The following CREBBP variants were observed in gnomAD, a reference collection of about 807,000 sequenced individuals.
CREBBP encodes CREB binding lysine acetyltransferase.
CREBBP carries 19 observed loss-of-function variants against 265.0 expected under a neutral mutation model. That is an observed-to-expected ratio of 0.07 (90% CI 0.05 to 0.11). The LOEUF is 0.11. Ranked by LOEUF, CREBBP falls within the 10% of genes least tolerant of loss-of-function variation. The pLI, the probability that CREBBP is intolerant of heterozygous loss-of-function variation, is 1.00. For synonymous variants in CREBBP, 1,457 were observed against 1,223.7 expected (o/e 1.19, Z -3.98); for missense variants, 2,525 against 3,219.0 (o/e 0.78, Z 5.22).
intron 14 of CREBBP, among the ~76,000 whole-genome samples, chr16:3,769,796 G>A (rs1024571562): frequency 1.3e-5 from 2 of 152,198 alleles, no homozygotes; most frequent in Non-Finnish European, 2.9e-5. Flanking sequence ...GTAGGAACAC[G>A]GGTGCTGGTG....
chr16:3,761,510 G>T (rs2052716369), intron 16 of CREBBP: 1 of 517,936 alleles, frequency 1.9e-6, no homozygotes, highest in Non-Finnish European at 3.9e-6. Flanking sequence ...CTTTAGAGAT[G>T]AAAACAGGCG....
intron 5 of CREBBP, among the ~76,000 whole-genome samples, chr16:3,787,988 G>A (rs911816772): frequency 4.6e-5 from 7 of 152,160 alleles, no homozygotes; most frequent in Non-Finnish European, 1.0e-4. Context: ...AAAAGGAGGT[G>A]TTTTAAACAA....
chr16:3,740,737 G>A, intron 23 of CREBBP, 188 bp from the exon 24 acceptor site: 2 of 729,500 alleles, frequency 2.7e-6, no homozygotes, highest in Non-Finnish European at 4.7e-6. Context: ...TGGACTCTGG[G>A]ATCTCAGGCA....
chr16:3,742,482 G>T (rs1230343483), intron 23 of CREBBP: 2 of 152,166 alleles, frequency 1.3e-5, no homozygotes, highest in East Asian at 3.8e-4. Flanking sequence ...CATTCAACTT[G>T]TATCTTCATC....
intron 2 of CREBBP, among the ~76,000 whole-genome samples, chr16:3,849,450 T>TGACC (rs1567360745): frequency 1.5e-5 from 1 of 66,748 alleles, no homozygotes; most frequent in African/African-American, 4.4e-5. Flanking sequence ...TGTGTGTGTG[T>TGACC]GTGTGTGTGT....
rs71133663 is a variant in CREBBP, at chr16:3,876,399, C to CAAAAAAAA, written c.85+3425_85+3432dup. 9.4e-4 allele frequency among the ~76,000 whole-genome samples: 17 copies of CAAAAAAAA among 18,154 alleles called. 1 individual carries two copies. Among genetic ancestry groups the CAAAAAAAA allele is most frequent in the African/African-American group, 3.1e-3 (17 of 5,460 alleles). The allele number at this position is 18,154 out of a possible 152,430, so 11.9% of individuals were successfully genotyped here. On this transcript the variant is annotated intron_variant, in intron 1 of 30. Coordinates refer to ENST00000262367, the MANE Select transcript of CREBBP (RefSeq NM_004380.3). ...GTGCAAATTTTGCAATAAAGCTGAC[C>CAAAAAAAA]AAAAAAAAAAAAAAAAAAAAAAAAA... is the stretch of plus-strand genomic sequence containing the variant.
At chr16:3,737,755 A>AT (rs140142735) in intron 26 of CREBBP, among the ~76,000 whole-genome samples, 3,952 of 148,288 alleles carry the variant, frequency 0.027, 171 homozygotes, top group African/African-American at 0.09. Context: ...AGGTGAGCCA[A>AT]TTTTTTTTTG....
chr16:3,869,829 T>C (rs2055257281), intron 1 of CREBBP, among the ~76,000 whole-genome samples: 1 of 152,126 alleles, frequency 6.6e-6, no homozygotes, highest in South Asian at 2.1e-4. Context: ...AAAGAATCCG[T>C]TCTCCCCTAA....
chr16:3,781,784 A>G (rs1253755246), intron 6 of CREBBP, among the ~76,000 whole-genome samples: 4 of 152,196 alleles, frequency 2.6e-5, no homozygotes, highest in African/African-American at 9.7e-5. Flanking sequence ...ACGAAAGCTG[A>G]GACTAAAAAA....
At chr16:3,737,360 A>G (rs1052237038) in intron 26 of CREBBP, among the ~76,000 whole-genome samples, 1 of 152,210 alleles carries the variant, frequency 6.6e-6, no homozygotes, top group African/African-American at 2.4e-5. Context: ...AGGATTCACA[A>G]AAGACAAATT....
At chr16:3,861,001 A>G (rs2055061375) in intron 1 of CREBBP, among the ~76,000 whole-genome samples, 1 of 152,148 alleles carries the variant, frequency 6.6e-6, no homozygotes, top group African/African-American at 2.4e-5. Context: ...AGCTGGGTGC[A>G]GTGGCTCATG....
chr16:3,826,010 T>G (rs1476957954), intron 2 of CREBBP, among the ~76,000 whole-genome samples: 1 of 152,212 alleles, frequency 6.6e-6, no homozygotes, highest in Non-Finnish European at 1.5e-5. Context: ...TTGCTTGAGC[T>G]CAGGAGTTTG....
At chr16:3,812,087 G>C (rs1257486630) in intron 2 of CREBBP, among the ~76,000 whole-genome samples, 1 of 152,026 alleles carries the variant, frequency 6.6e-6, no homozygotes, top group Non-Finnish European at 1.5e-5. Flanking sequence ...GAGAGAGCCT[G>C]GTAAGGTACT....
rs534195051 is a variant in CREBBP at position 3,833,720 on chromosome 16, T to C, written c.798+16577A>G. 1.1e-4 allele frequency among the ~76,000 whole-genome samples: 16 copies of C among 152,330 alleles called. No homozygotes were observed. In the South Asian group the frequency reaches 1.2e-3, roughly 12 times the overall value. On this transcript the variant is annotated intron_variant, in intron 2 of 30. Coordinates refer to ENST00000262367, the MANE Select transcript of CREBBP (RefSeq NM_004380.3). ...GAGAAACTAAGCAACCTGACTTTAATACTTACTGTAAAGCTAAAGTACAAC... is the reference window on the plus strand; with the variant it reads ...GAGAAACTAAGCAACCTGACTTTAACACTTACTGTAAAGCTAAAGTACAAC...
chr16:3,797,477 A>G (rs1031204313), intron 3 of CREBBP, among the ~76,000 whole-genome samples: 3 of 152,154 alleles, frequency 2.0e-5, no homozygotes, highest in African/African-American at 7.2e-5. Context: ...ATTATTTCCT[A>G]TACACACACC....
intron 1 of CREBBP, among the ~76,000 whole-genome samples, chr16:3,874,666 TGA>T (rs145224634): frequency 4.1e-4 from 63 of 152,318 alleles, no homozygotes; most frequent in Non-Finnish European, 7.5e-4. Context: ...CAAACAGGAT[TGA>T]GAGTGGTCCA....
chr16:3,739,750 T>C, intron 24 of CREBBP, 26 bp from the exon 25 acceptor site: 1 of 1,614,170 alleles, frequency 6.2e-7, no homozygotes, highest in Non-Finnish European at 8.5e-7. Context: ...GAGCCGGACA[T>C]TTACAAAGGC....
intron 3 of CREBBP, among the ~76,000 whole-genome samples, chr16:3,804,774 CAA>C (rs1157469401): frequency 1.3e-5 from 2 of 152,044 alleles, no homozygotes; most frequent in Admixed American, 1.3e-4. Context: ...AGACAAAAAA[CAA>C]AACAAAAAAA....
chr16:3,731,509 G>GA lies in CREBBP; in HGVS notation c.4891-37dup. 2 of 1,559,094 alleles carry GA rather than the reference G, an allele frequency of 1.3e-6. No individual in the cohort carries two copies. The highest frequency in any genetic ancestry group is 1.2e-5 in the South Asian group (1 of 85,958). On this transcript the variant is annotated intron_variant, in intron 29 of 30. Transcript: ENST00000262367. The surrounding 1 kb of genome is among the most constrained non-coding windows in gnomAD (Gnocchi z 7.7). ...GGAGGGGCTTTAGTCCCACACAAGG[G>GA]ACATGGCACCTCCAGTGGTGAGCTC...
Sources: allele counts gnomAD v4.1 joint callset (sites outside exome capture counted in the v4.1 genomes callset), GRCh38; gene constraint gnomAD v4.1.1; non-coding constraint Gnocchi (gnomAD v3.1); transcripts MANE v1.5; gene names NCBI Gene and HGNC (gene_info 2026-07-23, HGNC 2026-07-21).